Variants in CRACR2A observed in about 807,000 individuals in gnomAD.
The protein encoded by CRACR2A is EF-hand calcium-binding domain-containing protein 4B.
In CRACR2A, 79 loss-of-function variants were observed where a neutral mutation model predicts 90.5. The ratio of observed to expected loss-of-function variants is 0.87; its 90% CI spans 0.73 to 1.05. The LOEUF (loss-of-function observed/expected upper bound fraction) is 1.05. Among genes scored for constraint, CRACR2A ranks in the 50% least tolerant of loss-of-function variants. The pLI, the probability that CRACR2A is intolerant of heterozygous loss-of-function variation, is 0.00. For synonymous variants in CRACR2A, 338 were observed against 356.7 expected, an observed-to-expected ratio of 0.95 and a Z score of 0.59; for missense variants, 823 against 897.2, an observed-to-expected ratio of 0.92 and a Z score of 1.06.
In CRACR2A at chr12:3,744,663, G is replaced by A. The variant is rs561924333; in HGVS notation, c.-387+8352C>T. On this transcript the variant is annotated intron_variant, in intron 1 of 19. Transcript: ENST00000440314. ...AGGGCAGTCTCACAGAAGTGCTTTT[G>A]ATTGAAGCAGATAATTTTTTTTTTA... 2.6e-5 allele frequency among the ~76,000 whole-genome samples: 4 copies of A among 152,300 alleles called. No homozygotes were observed. In the South Asian group the frequency reaches 8.3e-4, roughly 32 times the overall value.
chr12:3,665,280 T>C (rs891583434), intron 7 of CRACR2A, among the ~76,000 whole-genome samples: 2 of 152,200 alleles, frequency 1.3e-5, no homozygotes, highest in African/African-American at 4.8e-5. Context: ...GGGTAGTTCT[T>C]CTGGCATGTT....
chr12:3,679,474 C>T (rs1041456486), intron 5 of CRACR2A, among the ~76,000 whole-genome samples: 1 of 152,198 alleles, frequency 6.6e-6, no homozygotes, highest in African/African-American at 2.4e-5. Flanking sequence ...CTCCTATTGT[C>T]ATCCTAGTCA....
At chr12:3,752,316 ACACACACTCG>A (rs973686269) in intron 1 of CRACR2A, among the ~76,000 whole-genome samples, 4 of 151,448 alleles carry the variant, frequency 2.6e-5, no homozygotes, top group Non-Finnish European at 5.9e-5. Flanking sequence ...GGGTGCACAG[ACACACACTCG>A]CACACACACG....
At chr12:3,708,577 A>G (rs1945965338) in intron 3 of CRACR2A, among the ~76,000 whole-genome samples, 1 of 152,154 alleles carries the variant, frequency 6.6e-6, no homozygotes, top group South Asian at 2.1e-4. Context: ...GGTGCCCGCC[A>G]CCACGCCCGG....
Position 3,696,886 on chromosome 12 carries a change from C to T in CRACR2A, c.114G>A (p.Gln38=), listed in dbSNP as rs767119444. 2 of 1,614,264 alleles carry T rather than the reference C, an allele frequency of 1.2e-6. No individual in the cohort carries two copies. Among genetic ancestry groups the T allele is most frequent in the Admixed American group, 3.3e-5 (2 of 60,032 alleles). The change falls in exon 4 of 20, where the codon CAG becomes CAA. Residue 38 remains glutamine, a synonymous_variant. Coordinates refer to ENST00000440314, the MANE Select transcript of CRACR2A (RefSeq NM_001144958.2). ...CCGACGTTTGCTCCTGAGTCTCCTTCTGCTCCAGGCTGTCCAGGGGATGCA... is the reference window on the plus strand; with the variant it reads ...CCGACGTTTGCTCCTGAGTCTCCTTTTGCTCCAGGCTGTCCAGGGGATGCA... ...ACLHPLDSLE[Q]KETQEQTSGQ...
At chr12:3,700,580 A>C (rs1288342830) in intron 3 of CRACR2A, among the ~76,000 whole-genome samples, 1 of 152,254 alleles carries the variant, frequency 6.6e-6, no homozygotes, top group Non-Finnish European at 1.5e-5. Flanking sequence ...ATATCAGGCA[A>C]AATGGATTAC....
At chr12:3,641,660 G>T in intron 13 of CRACR2A, 72 bp downstream of exon 13, 2 of 1,383,284 alleles carry the variant, frequency 1.4e-6, no homozygotes, top group Non-Finnish European at 1.0e-6. Flanking sequence ...AGCAGGCACT[G>T]AGTATGGGCC....
At chr12:3,721,765 T>C (rs1172453242) in intron 2 of CRACR2A, among the ~76,000 whole-genome samples, 4 of 152,186 alleles carry the variant, frequency 2.6e-5, no homozygotes, top group Non-Finnish European at 5.9e-5. Context: ...CAATGGTGGT[T>C]ATCTTGTTTA....
chr12:3,732,487 G>A (rs998482173), intron 2 of CRACR2A: 12 of 152,302 alleles, frequency 7.9e-5, no homozygotes, highest in African/African-American at 9.7e-5. Flanking sequence ...TGGAAGAACC[G>A]CTTTTCCAGC....
chr12:3,672,401 A>T (rs1203413183), intron 7 of CRACR2A, among the ~76,000 whole-genome samples: 1 of 152,154 alleles, frequency 6.6e-6, no homozygotes, highest in Non-Finnish European at 1.5e-5. Flanking sequence ...GGTCTGTGGA[A>T]CTGCATAGCC....
rs373489634 is a variant in CRACR2A at position 3,650,404 on chromosome 12, G to A, written c.1047-1791C>T. 7.2e-5 allele frequency among the ~76,000 whole-genome samples: 11 copies of A among 152,272 alleles called. No individual in the cohort carries two copies. In the South Asian group the frequency reaches 1.2e-3, roughly 17 times the overall value. On this transcript the variant is annotated intron_variant, in intron 10 of 19. Transcript: ENST00000440314. ...AAGTTCAACTCAGACAATTCCAATT[G>A]AGCAACAAACTTTCTCTGGCTCCTG...
In CRACR2A at chr12:3,627,477, G is replaced by A; in HGVS notation, c.1891C>T (p.Gln631Ter). Residue 631 changes from glutamine to a stop codon, truncating the protein, a stop_gained, in exon 17 of 20, where the codon CAG (glutamine) becomes TAG (stop). Transcript: ENST00000440314. LOFTEE classifies it high-confidence loss of function. ...VIVMYDLTDK[Q>*]SFLSVRRWLS... ...CACCGCCGGACCGACAGGAACGACT[G>A]CTTGTCTGTGAGATCGTACATGACG... 1 of 1,551,984 alleles carries A rather than the reference G, an allele frequency of 6.4e-7. No individual in the cohort carries two copies. Among genetic ancestry groups the A allele is most frequent in the African/African-American group, 1.4e-5 (1 of 73,186 alleles).
chr12:3,628,540 C>G (rs1018265554), intron 15 of CRACR2A, among the ~76,000 whole-genome samples: 3 of 152,162 alleles, frequency 2.0e-5, no homozygotes, highest in African/African-American at 7.2e-5. Flanking sequence ...GTCCTCAACC[C>G]CAGAGAGAGG....
intron 2 of CRACR2A, among the ~76,000 whole-genome samples, chr12:3,722,472 C>T (rs575577687): frequency 6.6e-6 from 1 of 152,242 alleles, no homozygotes; most frequent in Non-Finnish European, 1.5e-5. Context: ...GAGACTAGAC[C>T]CATGAGAGGC....
intron 1 of CRACR2A, among the ~76,000 whole-genome samples, chr12:3,750,698 G>A (rs1157761695): frequency 6.6e-6 from 1 of 152,106 alleles, no homozygotes; most frequent in Admixed American, 6.5e-5. Flanking sequence ...GAACTCAGTG[G>A]GTGATTAGCC....
intron 2 of CRACR2A, chr12:3,729,317 C>G (rs1193250605): frequency 1.3e-5 from 2 of 152,216 alleles, no homozygotes; most frequent in Non-Finnish European, 1.5e-5. Context: ...ATTTTCAGAG[C>G]TGCTCTTATC....
At chr12:3,706,917 T>G (rs1945933377) in intron 3 of CRACR2A, among the ~76,000 whole-genome samples, 1 of 152,200 alleles carries the variant, frequency 6.6e-6, no homozygotes, top group African/African-American at 2.4e-5. Flanking sequence ...CAGCTATTAT[T>G]ACTACATTGA....
At chr12:3,692,449 G>C (rs1426223109) in intron 4 of CRACR2A, among the ~76,000 whole-genome samples, 2 of 151,636 alleles carry the variant, frequency 1.3e-5, no homozygotes, top group East Asian at 3.9e-4. Flanking sequence ...CTAACTCTAG[G>C]GGACCTGTAT....
chr12:3,617,863 G>A (rs1450180025), intron 18 of CRACR2A, among the ~76,000 whole-genome samples: 1 of 152,120 alleles, frequency 6.6e-6, no homozygotes, highest in South Asian at 2.1e-4. Context: ...GCTCTGCCAT[G>A]CTCCCAGTGC....
Sources: gnomAD v4.1 joint callset for allele counts (sites outside exome capture counted in the v4.1 genomes callset) on GRCh38, gnomAD v4.1.1 for gene constraint, MANE v1.5 for transcripts, NCBI Gene and HGNC (gene_info 2026-07-23, HGNC 2026-07-21) for gene names.